GPR179: variants seen among roughly 807,000 people sequenced by gnomAD.
The protein encoded by GPR179 is probable G protein-coupled receptor 179.
GPR179 carries 52 observed loss-of-function variants against 70.8 expected under a neutral mutation model. That is an observed-to-expected ratio of 0.73 (90% CI 0.59 to 0.93). GPR179 has a LOEUF of 0.93. Ranked by LOEUF, GPR179 falls within the 40% of genes least tolerant of loss-of-function variation. GPR179 has a pLI of 0.00. For missense variants in GPR179, 2,734 were observed against 2,966.8 expected, an observed-to-expected ratio of 0.92 and a Z score of 1.82; for synonymous variants, 1,123 against 1,169.0, an observed-to-expected ratio of 0.96 and a Z score of 0.80.
At chr17:38,331,975 A>G (rs1018305357) in intron 10 of GPR179, among the ~76,000 whole-genome samples, 8 of 152,226 alleles carry the variant, frequency 5.3e-5, no homozygotes, top group African/African-American at 1.9e-4. Flanking sequence ...GTTCAGGTGT[A>G]AATGATGGAA....
Position 38,334,918 on chromosome 17 carries a change from G to C in GPR179, c.1646-76C>G, listed in dbSNP as rs4795266. 0.87 allele frequency: 1,384,118 copies of C among 1,599,460 alleles called. 604,941 individuals carry two copies. The highest frequency in any genetic ancestry group is 0.92 in the South Asian group (82,948 of 90,636). On this transcript the variant is annotated intron_variant, in intron 7 of 10. Coordinates refer to ENST00000616987, the MANE Select transcript of GPR179 (RefSeq NM_001004334.4). This position sits in a 1 kb window ranked among gnomAD's most constrained non-coding sequence, Gnocchi z 4.7. Reference sequence around the variant, plus strand: ...CACCCCTTTCTCTGAAAGATGTGCTGGGGGGAGCCTGGGCTCGGGGTCTGG... The same window carrying C: ...CACCCCTTTCTCTGAAAGATGTGCTCGGGGGAGCCTGGGCTCGGGGTCTGG...
rs1369290066 is a variant in GPR179, at chr17:38,337,313, C to T, written c.992-100G>A. 6 of 1,443,752 alleles carry T rather than the reference C, an allele frequency of 4.2e-6. No individual in the cohort carries two copies. In the African/African-American group the frequency reaches 5.6e-5, roughly 14 times the overall value. The allele number at this position is 1,443,752 out of a possible 1,614,324, so 89.4% of individuals were successfully genotyped here. A position where few individuals can be genotyped will look rare whatever the true frequency, so the allele number is the denominator to read the frequency against. On this transcript the variant is annotated intron_variant, in intron 3 of 10. Transcript: ENST00000616987. ...GTCACCACAGCCCTCTCCCTGTTCT[C>T]CTGTGATCTGGGGCTCCAGGGACAA...
chr17:38,330,256 C>T lies in GPR179; in HGVS notation c.3313G>A (p.Glu1105Lys), dbSNP rs2037340387. ...CCCTCGGGACTCTCCTCCACACTCTCCTTCTCTCTGTAGGTGCTCCGAGAA... is the reference window on the plus strand; with the variant it reads ...CCCTCGGGACTCTCCTCCACACTCTTCTTCTCTCTGTAGGTGCTCCGAGAA... ...TRSRSTYREK[E>K]SVEESPEGQN... is the part of the protein sequence containing the mutation. The change falls in exon 11 of 11, where the codon GAG (glutamate) becomes AAG (lysine). Residue 1105 changes from glutamate (E) to lysine (K), a missense_variant. Coordinates refer to ENST00000616987, the MANE Select transcript of GPR179 (RefSeq NM_001004334.4). 4 of 1,595,120 alleles carry T rather than the reference C, an allele frequency of 2.5e-6. No individual in the cohort carries two copies. Among genetic ancestry groups the T allele is most frequent in the African/African-American group, 2.7e-5 (2 of 74,514 alleles).
rs1310912017 is a variant in GPR179, at chr17:38,334,774, G to A, written c.1714C>T (p.His572Tyr). Residue 572 changes from histidine (H) to tyrosine (Y), a missense_variant, in exon 8 of 11, where the codon CAT becomes TAT. His to Tyr is a moderately conservative substitution (Grantham distance 83). Transcript: ENST00000616987. This position sits in a 1 kb window ranked among gnomAD's most constrained non-coding sequence, Gnocchi z 4.7. Reference protein sequence around the residue: ...YATRAVLSAFHEPRYMGIALH... With the variant: ...YATRAVLSAFYEPRYMGIALH... ...GCGATGCCCATGTAGCGTGGCTCAT[G>A]GAAGGCCGAGAGCACAGCCCGTGTG... 1 of 1,613,714 alleles carries A rather than the reference G, an allele frequency of 6.2e-7. No individual in the cohort carries two copies. The highest frequency in any genetic ancestry group is 8.5e-7 in the Non-Finnish European group (1 of 1,180,000).
Position 38,325,015 on chromosome 17 carries a change from CTG to C in GPR179, c.*1448_*1449del, listed in dbSNP as rs544725772. Among the ~76,000 whole-genome samples the C allele has an allele frequency of 3.0e-3, 453 of 152,302 alleles. 2 individuals carry two copies. The highest frequency in any genetic ancestry group is 0.01 in the African/African-American group (434 of 41,562). On this transcript the variant is annotated 3_prime_UTR_variant, in exon 11 of 11. Transcript: ENST00000616987. ...TTCTCCCCATGAATGACATCAATGT[CTG>C]TACTGTTGTACTGTTAGAGGGCGTG... is the stretch of plus-strand genomic sequence containing the variant.
Position 38,328,564 on chromosome 17 carries a change from CTG to C in GPR179, c.5003_5004del (p.Thr1668ArgfsTer54). The part of the protein sequence containing the change: ...SFSPQPRPQD[T>X]ERPQTLLQMS... The stretch of plus-strand genomic sequence containing the variant: ...ATCTGGAGAAGGGTTTGGGGTCTCT[CTG>C]TGTCTTGAGGACGTGGTTGTGGGGA... On this transcript the variant is annotated frameshift_variant, in exon 11 of 11. Transcript: ENST00000616987. LOFTEE classifies it low-confidence loss of function (END_TRUNC). 2 of 1,614,186 alleles carry C rather than the reference CTG, an allele frequency of 1.2e-6. No homozygotes were observed. Among genetic ancestry groups the C allele is most frequent in the Non-Finnish European group, 1.7e-6 (2 of 1,180,044 alleles).
intron 5 of GPR179, 82 bp from the exon 6 acceptor site, chr17:38,335,782 T>C: frequency 1.1e-6 from 1 of 881,688 alleles, no homozygotes; most frequent in Non-Finnish European, 1.9e-6. Context: ...CTGTGGATCC[T>C]CCCAACAGCC....
rs775646384 is a variant in GPR179, at chr17:38,333,989, A to G, written c.1834T>C (p.Phe612Leu). Residue 612 changes from phenylalanine to leucine, a missense_variant, in exon 9 of 11, where the codon TTC becomes CTC. Physicochemically the swap from Phe to Leu is conservative, Grantham distance 22. Transcript: ENST00000616987. ...LHPDWTLLLF[F>L]FHTHSTVTTT... ...GTGACTGTGCTGTGGGTGTGGAAGA[A>G]GAAGAGGAGGAGGGTCCAGTCCGGG... is the stretch of plus-strand genomic sequence containing the variant. The G allele has an allele frequency of 4.3e-6, 7 of 1,613,800 alleles. No homozygotes were observed. Among genetic ancestry groups the G allele is most frequent in the African/African-American group, 1.3e-5 (1 of 74,928 alleles).
At position 38,328,272 on chromosome 17, in the gene GPR179, C is replaced by T; in HGVS notation, c.5297G>A (p.Ser1766Asn). 5 of 1,613,946 alleles carry T rather than the reference C, an allele frequency of 3.1e-6. No homozygotes were observed. The highest frequency in any genetic ancestry group is 4.2e-6 in the Non-Finnish European group (5 of 1,180,030). Residue 1766 changes from serine (S) to asparagine (N), a missense_variant, in exon 11 of 11, where the codon AGT (serine) becomes AAT (asparagine). By Grantham distance (46) the Ser-to-Asn change is conservative (BLOSUM62 1). Coordinates refer to ENST00000616987, the MANE Select transcript of GPR179 (RefSeq NM_001004334.4). ...CTGAGAACAGGCCCCTGGACCCACA[C>T]TCCCCCAGGGACAAGCCACCTCCCA... ...PEWEVACPWG[S>N]VGPGACSQHP...
rs1396288510 is a variant in GPR179 at position 38,331,538 on chromosome 17, G to A, written c.2038-7C>T. On this transcript the variant is annotated splice_region_variant and splice_polypyrimidine_tract_variant and intron_variant, in intron 10 of 10. Coordinates refer to ENST00000616987, the MANE Select transcript of GPR179 (RefSeq NM_001004334.4). ...AGAGCTTCTTCAGCTCGTCCTGTGGGGCAGCAGGGAGGAAAGCAGGGCTGC... is the reference window on the plus strand; with the variant it reads ...AGAGCTTCTTCAGCTCGTCCTGTGGAGCAGCAGGGAGGAAAGCAGGGCTGC... 13 of 1,592,092 alleles carry A rather than the reference G, an allele frequency of 8.2e-6. No individual in the cohort carries two copies. The African/African-American group carries it at 1.2e-4, about 15-fold the overall frequency.
At position 38,334,138 on chromosome 17, in the gene GPR179, G is replaced by A. The variant is rs1567725229; in HGVS notation, c.1785-100C>T. ...TTCACCTCAGCCCCAACCCTGATAC[G>A]CTTAGGACGAGGGGGCATTCTGCCC... On this transcript the variant is annotated intron_variant, in intron 8 of 10. Transcript: ENST00000616987. This position sits in a 1 kb window ranked among gnomAD's most constrained non-coding sequence, Gnocchi z 4.7. 3 of 845,688 alleles carry A rather than the reference G, an allele frequency of 3.5e-6. No homozygotes were observed. The highest frequency in any genetic ancestry group is 2.5e-5 in the East Asian group (1 of 40,056). 52.4% of individuals were successfully genotyped at this position (845,688 alleles called of 1,614,324 possible). A position where few individuals can be genotyped will look rare whatever the true frequency, so the allele number is the denominator to read the frequency against.
In GPR179 at chr17:38,330,618, T is replaced by G. The variant is rs761202482; in HGVS notation, c.2951A>C (p.Gln984Pro). 6.3e-6 allele frequency: 10 copies of G among 1,579,330 alleles called. No individual in the cohort carries two copies. The highest frequency in any genetic ancestry group is 6.9e-6 in the Non-Finnish European group (8 of 1,163,602). Residue 984 changes from glutamine to proline, a missense_variant, in exon 11 of 11, where the codon CAA (glutamine) becomes CCA (proline). Coordinates refer to ENST00000616987, the MANE Select transcript of GPR179 (RefSeq NM_001004334.4). ...PALAPVPVSP[Q>P]SPNLLTYICP... ...GATGTAGGTGAGTAAGTTGGGGCTT[T>G]GTGGGGATACTGGGACTGGTGCCAG...
rs1329857780 is a variant in GPR179 at position 38,331,367 on chromosome 17, G to A, written c.2202C>T (p.His734=). 1.2e-6 allele frequency: 2 copies of A among 1,613,498 alleles called. No homozygotes were observed. Among genetic ancestry groups the A allele is most frequent in the South Asian group, 2.2e-5 (2 of 91,022 alleles). The change falls in exon 11 of 11, where the codon CAC becomes CAT. Residue 734 remains histidine, a synonymous_variant. Coordinates refer to ENST00000616987, the MANE Select transcript of GPR179 (RefSeq NM_001004334.4). Reference sequence around the variant, plus strand: ...GGCCTGGGGATCCTGAGTCCCGGGAGTGCTGCCTGGCCAGGGCCTCGGGGA... The same window carrying A: ...GGCCTGGGGATCCTGAGTCCCGGGAATGCTGCCTGGCCAGGGCCTCGGGGA... ...AEFPEALARQ[H]SRDSGSPGHG...
intron 2 of GPR179, 138 bp downstream of exon 2, chr17:38,339,279 A>G (rs1265807155): frequency 1.2e-5 from 7 of 599,234 alleles, no homozygotes; most frequent in African/African-American, 5.7e-5. Context: ...ACCTCTGCCA[A>G]TCACTAGGAA....
chr17:38,334,110 C>G lies in GPR179; in HGVS notation c.1785-72G>C. The G allele has an allele frequency of 9.5e-7, 1 of 1,053,536 alleles. No homozygotes were observed. The highest frequency in any genetic ancestry group is 1.3e-5 in the South Asian group (1 of 78,988). The allele number at this position is 1,053,536 out of a possible 1,614,324, so 65.3% of individuals were successfully genotyped here. A position where few individuals can be genotyped will look rare whatever the true frequency, so the allele number is the denominator to read the frequency against. ...CTCTTCTGCTTTGCCTTCTCACTGG[C>G]GTTTCACCTCAGCCCCAACCCTGAT... On this transcript the variant is annotated intron_variant, in intron 8 of 10. Transcript: ENST00000616987. This position sits in a 1 kb window ranked among gnomAD's most constrained non-coding sequence, Gnocchi z 4.7.
chr17:38,327,900 T>A lies in GPR179; in HGVS notation c.5669A>T (p.Lys1890Met), dbSNP rs778943047. 6.2e-7 allele frequency: 1 copy of A among 1,614,228 alleles called. No individual in the cohort carries two copies. The change falls in exon 11 of 11, where the codon AAG becomes ATG. Residue 1890 changes from lysine to methionine, a missense_variant. Coordinates refer to ENST00000616987, the MANE Select transcript of GPR179 (RefSeq NM_001004334.4). ...DLRESPAQAP[K>M]ISDLPSSMSS... ...CATGCTGCTGGGCAAGTCTGAGATC[T>A]TGGGGGCCTGAGCAGGGGATTCCCT...
At position 38,331,151 on chromosome 17, in the gene GPR179, C is replaced by T. The variant is rs773418169; in HGVS notation, c.2418G>A (p.Ser806=). The change falls in exon 11 of 11, where the codon TCG becomes TCA. Residue 806 remains serine, a synonymous_variant. Transcript: ENST00000616987. ...KKASRTESRE[S]VEGPPALGFR... Reference sequence around the variant, plus strand: ...AGCCCAGGGCAGGGGGCCCCTCCACCGACTCCCGGCTCTCTGTTCGAGAGG... The same window carrying T: ...AGCCCAGGGCAGGGGGCCCCTCCACTGACTCCCGGCTCTCTGTTCGAGAGG... 5.6e-6 allele frequency: 9 copies of T among 1,606,472 alleles called. No homozygotes were observed. Among genetic ancestry groups the T allele is most frequent in the East Asian group, 2.2e-5 (1 of 44,860 alleles).
rs2144252614 is a variant in GPR179, at chr17:38,326,055, T to G, written c.*410A>C. The G allele has an allele frequency of 5.6e-6, 1 of 179,240 alleles. No individual in the cohort carries two copies. Among genetic ancestry groups the G allele is most frequent in the East Asian group, 1.6e-4 (1 of 6,382 alleles). 11.1% of individuals were successfully genotyped at this position (179,240 alleles called of 1,614,324 possible). Reference sequence around the variant, plus strand: ...GGTTTAGTTTCTTCTCAAAAAATGCTCCATCGTAGACTTCAGAGAATTGGG... The same window carrying G: ...GGTTTAGTTTCTTCTCAAAAAATGCGCCATCGTAGACTTCAGAGAATTGGG... On this transcript the variant is annotated 3_prime_UTR_variant, in exon 11 of 11. Transcript: ENST00000616987.
chr17:38,330,211 C>T lies in GPR179; in HGVS notation c.3358G>A (p.Gly1120Arg), dbSNP rs867807104. 1 of 1,569,296 alleles carries T rather than the reference C, an allele frequency of 6.4e-7. No individual in the cohort carries two copies. Among genetic ancestry groups the T allele is most frequent in the Non-Finnish European group, 8.6e-7 (1 of 1,156,688 alleles). The change falls in exon 11 of 11, where the codon GGA (glycine) becomes AGA (arginine). Residue 1120 changes from glycine (G) to arginine (R), a missense_variant. Coordinates refer to ENST00000616987, the MANE Select transcript of GPR179 (RefSeq NM_001004334.4). Reference protein sequence around the residue: ...SPEGQNSGTAGESMGAPSRSP... With the variant: ...SPEGQNSGTARESMGAPSRSP... ...CGGGAGGGTGCCCCCATACTCTCTC[C>T]CGCAGTCCCGCTGTTCTGCCCCTCG...
Sources: gnomAD v4.1 joint callset for allele counts (sites outside exome capture counted in the v4.1 genomes callset) on GRCh38, gnomAD v4.1.1 for gene constraint, Gnocchi (gnomAD v3.1) non-coding constraint, MANE v1.5 for transcripts, NCBI Gene and HGNC (gene_info 2026-07-23, HGNC 2026-07-21) for gene names.